The following PTPN13 variants were observed in gnomAD, a reference collection of about 807,000 sequenced individuals.
PTPN13 encodes protein tyrosine phosphatase non-receptor type 13, also known as tyrosine-protein phosphatase non-receptor type 13.
PTPN13 carries 191 observed loss-of-function variants against 284.0 expected under a neutral mutation model. The ratio of observed to expected loss-of-function variants is 0.67; its 90% CI spans 0.60 to 0.76. The LOEUF (loss-of-function observed/expected upper bound fraction) is 0.76, where lower values mean the gene tolerates loss of function less well. PTPN13 is among the 30% of genes least tolerant of loss of function. PTPN13 has a pLI of 0.00. For missense variants in PTPN13, 2,797 were observed against 2,939.9 expected, an observed-to-expected ratio of 0.95 and a Z score of 1.12; for synonymous variants, 986 against 1,022.3, an observed-to-expected ratio of 0.96 and a Z score of 0.68.
At chr4:86,716,813 G>A (rs890778186) in intron 8 of PTPN13, among the ~76,000 whole-genome samples, 188 bp downstream of exon 8, 4 of 152,286 alleles carry the variant, frequency 2.6e-5, no homozygotes, top group East Asian at 1.9e-4. Context: ...TTCAAATAAC[G>A]ATGTAGTCCT....
chr4:86,635,830 G>A (rs1361735481), intron 2 of PTPN13, among the ~76,000 whole-genome samples: 1 of 152,036 alleles, frequency 6.6e-6, no homozygotes, highest in Non-Finnish European at 1.5e-5. Flanking sequence ...CGGTGTAGTG[G>A]TGGGCACCTG....
At chr4:86,616,886 A>G (rs1049765530) in intron 1 of PTPN13, among the ~76,000 whole-genome samples, 8 of 152,204 alleles carry the variant, frequency 5.3e-5, no homozygotes, top group Non-Finnish European at 8.8e-5. Flanking sequence ...AGTGTTCTAG[A>G]CAAATGCAAG....
At chr4:86,775,085 T>G (rs757596248) in intron 33 of PTPN13, 86 bp from the exon 34 acceptor site, 13 of 921,756 alleles carry the variant, frequency 1.4e-5, no homozygotes, top group Non-Finnish European at 1.8e-5. Context: ...TATTATAAAT[T>G]AGGAGGATTA....
intron 6 of PTPN13, among the ~76,000 whole-genome samples, chr4:86,694,850 A>G (rs1042345476): frequency 1.3e-5 from 2 of 152,164 alleles, no homozygotes; most frequent in South Asian, 2.1e-4. Context: ...TTGCTTAAAT[A>G]TATTCTAACA....
At position 86,689,672 on chromosome 4, in the gene PTPN13, G is replaced by T. The variant is rs1253714163; in HGVS notation, c.546+482G>T. 6 of 702,400 alleles carry T rather than the reference G, an allele frequency of 8.5e-6. No homozygotes were observed. In the Admixed American group the frequency reaches 1.2e-4, roughly 14 times the overall value. 43.5% of individuals were successfully genotyped at this position (702,400 alleles called of 1,614,324 possible). The stretch of plus-strand genomic sequence containing the variant: ...CTTCTTCTCGGAACACTGCTACCTA[G>T]TGTATCCAGGGAATCCATGCTTGTA... On this transcript the variant is annotated intron_variant, in intron 5 of 47. Coordinates refer to ENST00000411767, the MANE Select transcript of PTPN13 (RefSeq NM_080683.3).
At chr4:86,682,900 A>T (rs933925251) in intron 3 of PTPN13, among the ~76,000 whole-genome samples, 2 of 152,170 alleles carry the variant, frequency 1.3e-5, no homozygotes, top group African/African-American at 4.8e-5. Flanking sequence ...TATTTTTCTA[A>T]TATTAGGTAC....
chr4:86,812,630 G>A (rs1424531174), intron 47 of PTPN13, among the ~76,000 whole-genome samples: 2 of 152,176 alleles, frequency 1.3e-5, no homozygotes, highest in African/African-American at 4.8e-5. Context: ...AGATCTCTGG[G>A]GACAAGAGCC....
intron 2 of PTPN13, among the ~76,000 whole-genome samples, chr4:86,653,124 T>C (rs972398704): frequency 6.6e-6 from 1 of 152,140 alleles, no homozygotes; most frequent in Non-Finnish European, 1.5e-5. Flanking sequence ...TAAATTTCTC[T>C]GATAGAATTC....
chr4:86,733,072 GAAATT>G (rs1735116926), intron 12 of PTPN13, among the ~76,000 whole-genome samples: 2 of 151,936 alleles, frequency 1.3e-5, no homozygotes, highest in African/African-American at 4.8e-5. Flanking sequence ...GTGTACTCTA[GAAATT>G]AGTATCCTAA....
rs750764130 is a variant in PTPN13, at chr4:86,701,500, C to A, written c.894C>A (p.Ile298=). The change falls in exon 7 of 48, where the codon ATC becomes ATA. Residue 298 remains isoleucine, a synonymous_variant. Transcript: ENST00000411767. ...PGIDVLSKKK[I]WASSMDLLCT... The stretch of plus-strand genomic sequence containing the variant: ...TTGATGTGCTTTCTAAGAAGAAGAT[C>A]TGGGCTTCATCCATGGACTTGCTTT... The A allele has an allele frequency of 6.2e-7, 1 of 1,613,918 alleles. No homozygotes were observed. Among genetic ancestry groups the A allele is most frequent in the Non-Finnish European group, 8.5e-7 (1 of 1,179,872 alleles).
chr4:86,758,463 C>A, intron 21 of PTPN13, 114 bp downstream of exon 21: 2 of 984,916 alleles, frequency 2.0e-6, no homozygotes, highest in African/African-American at 1.6e-5. Context: ...AAGATACTGA[C>A]TGGCTGCCCA....
chr4:86,620,717 A>G (rs541711319), intron 1 of PTPN13, among the ~76,000 whole-genome samples: 1 of 152,282 alleles, frequency 6.6e-6, no homozygotes, highest in African/African-American at 2.4e-5. Context: ...TATAGTTTAC[A>G]TTTTCTAACT....
intron 42 of PTPN13, among the ~76,000 whole-genome samples, chr4:86,802,145 TAGTGTGTG>T (rs1339586184): frequency 7.0e-6 from 1 of 143,866 alleles, no homozygotes; most frequent in East Asian, 2.0e-4. Flanking sequence ...ATCAAGATTT[TAGTGTGTG>T]TGTGTGTGTG....
At chr4:86,606,345 C>T (rs1198921285) in intron 1 of PTPN13, among the ~76,000 whole-genome samples, 9 of 151,856 alleles carry the variant, frequency 5.9e-5, no homozygotes, top group Admixed American at 5.9e-4. Flanking sequence ...AAATCTTACT[C>T]ATTTTTTAAT....
chr4:86,770,944 G>T (rs550251031), intron 30 of PTPN13, among the ~76,000 whole-genome samples: 1 of 152,230 alleles, frequency 6.6e-6, no homozygotes, highest in Admixed American at 6.5e-5. Context: ...ATTTTTGAGA[G>T]TATGAGACAA....
At position 86,751,050 on chromosome 4, in the gene PTPN13, A is replaced by G; in HGVS notation, c.3092A>G (p.Asn1031Ser). 6.2e-7 allele frequency: 1 copy of G among 1,608,934 alleles called. No individual in the cohort carries two copies. The highest frequency in any genetic ancestry group is 8.5e-7 in the Non-Finnish European group (1 of 1,175,714). The change falls in exon 19 of 48, where the codon AAT (asparagine) becomes AGT (serine). Residue 1031 changes from asparagine (N) to serine (S), a missense_variant. Physicochemically the swap from Asn to Ser is conservative, Grantham distance 46 (BLOSUM62 1). Coordinates refer to ENST00000411767, the MANE Select transcript of PTPN13 (RefSeq NM_080683.3). ...AGTTCAAAGTCTGTTGCGAGTTTAA[A>G]TAGAAGTCCTGAAAGGAGGAAACAT... ...LNNSKSVASL[N>S]RSPERRKHES...
chr4:86,623,214 A>C (rs908365182), intron 1 of PTPN13, among the ~76,000 whole-genome samples: 6 of 152,152 alleles, frequency 3.9e-5, no homozygotes, highest in Non-Finnish European at 7.4e-5. Context: ...GCAGGTATGC[A>C]GTTCTGATGT....
At chr4:86,682,349 C>T (rs1257859742) in intron 3 of PTPN13, among the ~76,000 whole-genome samples, 1 of 151,764 alleles carries the variant, frequency 6.6e-6, no homozygotes, top group Non-Finnish European at 1.5e-5. Context: ...TACGGATGGA[C>T]CAACAAAGGT....
At chr4:86,810,359 T>C (rs574068061) in intron 46 of PTPN13, among the ~76,000 whole-genome samples, 81 of 151,670 alleles carry the variant, frequency 5.3e-4, no homozygotes, top group African/African-American at 1.9e-3. Context: ...ATTTTTTTAA[T>C]GAAAAAGCTT....
Sources: allele counts gnomAD v4.1 joint callset (sites outside exome capture counted in the v4.1 genomes callset), GRCh38; gene constraint gnomAD v4.1.1; transcripts MANE v1.5; gene names NCBI Gene and HGNC (gene_info 2026-07-23, HGNC 2026-07-21).